LIN54: variants seen among roughly 807,000 people sequenced by gnomAD.
The protein encoded by LIN54 is protein lin-54 homolog.
A neutral mutation model predicts 78.7 loss-of-function variants in LIN54; 9 were observed. The observed-to-expected ratio is 0.11, with a 90% CI of 0.07 to 0.20. The LOEUF is 0.20. LIN54 is among the 10% of genes least tolerant of loss of function. The pLI is 1.00. For synonymous variants in LIN54, 269 were observed against 318.4 expected, an observed-to-expected ratio of 0.84 and a Z score of 1.65; for missense variants, 573 against 889.9, an observed-to-expected ratio of 0.64 and a Z score of 4.53.
intron 1 of LIN54, among the ~76,000 whole-genome samples, chr4:83,000,038 G>T (rs1055567748): frequency 6.6e-6 from 1 of 151,572 alleles, no homozygotes; most frequent in Non-Finnish European, 1.5e-5. Flanking sequence ...GACCACAGGC[G>T]CATGCCATCA....
Position 82,984,576 on chromosome 4 carries a change from G to A in LIN54, c.269C>T (p.Thr90Ile). 6.2e-7 allele frequency: 1 copy of A among 1,614,194 alleles called. No homozygotes were observed. The highest frequency in any genetic ancestry group is 8.5e-7 in the Non-Finnish European group (1 of 1,180,032). The change falls in exon 2 of 13, where the codon ACA becomes ATA. Residue 90 changes from threonine (T) to isoleucine (I), a missense_variant. Thr to Ile is a moderately conservative substitution (Grantham distance 89). Coordinates refer to ENST00000340417, the MANE Select transcript of LIN54 (RefSeq NM_194282.4). ...GCCACTTGGAAAAGCTGGTTTCACT[G>A]TGGTATTAGAATCTGCTTTAGTAAT... ...TTITKADSNT[T>I]VKPAFPSGLQ...
intron 1 of LIN54, among the ~76,000 whole-genome samples, chr4:83,008,749 G>T (rs369877407): frequency 1.4e-4 from 21 of 152,240 alleles, no homozygotes; most frequent in Admixed American, 9.2e-4. Context: ...ATCTCTGGTG[G>T]TATAATTCTT....
intron 1 of LIN54, among the ~76,000 whole-genome samples, chr4:83,006,516 G>C (rs954571665): frequency 6.6e-6 from 1 of 150,574 alleles, no homozygotes; most frequent in South Asian, 2.1e-4. Context: ...TGGGTGACAG[G>C]ACCATTCATA....
At chr4:82,940,132 T>A (rs971734447) in intron 5 of LIN54, among the ~76,000 whole-genome samples, 170 bp from the exon 6 acceptor site, 9 of 152,230 alleles carry the variant, frequency 5.9e-5, no homozygotes, top group African/African-American at 2.2e-4. Context: ...TCAAAATTGC[T>A]TACCCCATCT....
intron 9 of LIN54, among the ~76,000 whole-genome samples, chr4:82,936,621 CAGCTGTCACACAAG>C (rs1397740615): frequency 2.0e-5 from 3 of 152,122 alleles, no homozygotes; most frequent in Admixed American, 1.3e-4. Flanking sequence ...CAACCAATAA[CAGCTGTCACACAAG>C]AGCTGTCACA....
chr4:82,947,235 A>ATATATATATATATATTT, intron 4 of LIN54, among the ~76,000 whole-genome samples: 3 of 44,290 alleles, frequency 6.8e-5, no homozygotes, highest in Non-Finnish European at 1.1e-4. Flanking sequence ...ATATATATAT[A>ATATATATATATATATTT]TTTTTTTTTT....
At chr4:83,001,860 AGGAT>A (rs1193657573) in intron 1 of LIN54, among the ~76,000 whole-genome samples, 556 of 2,578 alleles carry the variant, frequency 0.22, 27 homozygotes, top group East Asian at 0.46. Flanking sequence ...AAAAAAAAAA[AGGAT>A]AGGAAGGAAG....
chr4:82,959,099 T>C (rs1724580849), intron 4 of LIN54, among the ~76,000 whole-genome samples: 1 of 152,220 alleles, frequency 6.6e-6, no homozygotes, highest in South Asian at 2.1e-4. Context: ...TTCTATTTCA[T>C]CTAAAAATTT....
chr4:82,940,605 C>T (rs940112192), intron 5 of LIN54, among the ~76,000 whole-genome samples: 4 of 152,244 alleles, frequency 2.6e-5, no homozygotes, highest in Non-Finnish European at 4.4e-5. Flanking sequence ...GTTGGCCAGG[C>T]TGAACCCAAT....
At position 82,952,049 on chromosome 4, in the gene LIN54, T is replaced by G. The variant is rs183737296; in HGVS notation, c.952-5575A>C. On this transcript the variant is annotated intron_variant, in intron 4 of 12. Coordinates refer to ENST00000340417, the MANE Select transcript of LIN54 (RefSeq NM_194282.4). ...TCTTAGAAGAAAACAGGGCAAAGCT[T>G]CACAACACTGGGTCTGGCAATGATT... Among the ~76,000 whole-genome samples, 24 of 152,240 alleles carry G rather than the reference T, an allele frequency of 1.6e-4. No homozygotes were observed. The East Asian group carries it at 4.2e-3, about 27-fold the overall frequency.
At chr4:82,982,079 G>C (rs979021199) in intron 2 of LIN54, among the ~76,000 whole-genome samples, 3 of 151,932 alleles carry the variant, frequency 2.0e-5, no homozygotes, top group African/African-American at 4.8e-5. Flanking sequence ...ATAAGAATTA[G>C]ACCCCAGTCT....
At chr4:83,012,154 A>G, upstream of LIN54, 1 of 452,474 alleles carries the variant, frequency 2.2e-6, no homozygotes, top group Non-Finnish European at 2.9e-6. Context: ...CAATTACTTC[A>G]TCTTTAAACT....
intron 4 of LIN54, among the ~76,000 whole-genome samples, chr4:82,960,556 C>T (rs957330987): frequency 1.3e-5 from 2 of 152,034 alleles, no homozygotes; most frequent in Admixed American, 6.6e-5. Flanking sequence ...GCTTCAGCCT[C>T]CCGAGTAGCT....
chr4:82,970,231 G>T, intron 4 of LIN54, 96 bp downstream of exon 4: 2 of 1,107,590 alleles, frequency 1.8e-6, no homozygotes, highest in Non-Finnish European at 2.6e-6. Context: ...TTACTTGCTT[G>T]GGAATGTACT....
intron 11 of LIN54, among the ~76,000 whole-genome samples, chr4:82,933,495 T>G (rs372313882): frequency 1.3e-5 from 2 of 151,824 alleles, no homozygotes; most frequent in African/African-American, 4.8e-5. Context: ...AAAGGACACA[T>G]GAATGTGTTG....
chr4:82,947,721 T>G (rs1033226750), intron 4 of LIN54, among the ~76,000 whole-genome samples: 2 of 152,136 alleles, frequency 1.3e-5, no homozygotes, highest in Admixed American at 1.3e-4. Flanking sequence ...GTTTAACCAA[T>G]GTACAACACA....
At chr4:82,960,558 C>T (rs986607424) in intron 4 of LIN54, among the ~76,000 whole-genome samples, 10 of 152,088 alleles carry the variant, frequency 6.6e-5, no homozygotes, top group East Asian at 1.9e-4. Flanking sequence ...TTCAGCCTCC[C>T]GAGTAGCTAG....
intron 1 of LIN54, among the ~76,000 whole-genome samples, chr4:83,005,175 C>T (rs1195461469): frequency 1.3e-5 from 2 of 152,158 alleles, no homozygotes; most frequent in Non-Finnish European, 2.9e-5. Flanking sequence ...GGATTACAGG[C>T]ATGAGCCACC....
In LIN54 at chr4:82,939,596, T is replaced by G. The variant is rs1440011080; in HGVS notation, c.1383A>C (p.Pro461=). Reference sequence around the variant, plus strand: ...AACCCACATTCCCTGTTCCCGGAGCTGGTGCCAGGACAGTGCCTGGTGGCA... The same window carrying G: ...AACCCACATTCCCTGTTCCCGGAGCGGGTGCCAGGACAGTGCCTGGTGGCA... The part of the protein sequence containing the change: ...TNLPPGTVLA[P]APGTGNVGYA... The change falls in exon 7 of 13, where the codon CCA becomes CCC. Residue 461 remains proline (P), a synonymous_variant. Coordinates refer to ENST00000340417, the MANE Select transcript of LIN54 (RefSeq NM_194282.4). The G allele has an allele frequency of 6.2e-7, 1 of 1,614,208 alleles. No homozygotes were observed. Among genetic ancestry groups the G allele is most frequent in the South Asian group, 1.1e-5 (1 of 91,084 alleles).
Sources: gnomAD v4.1 joint callset for allele counts (sites outside exome capture counted in the v4.1 genomes callset) on GRCh38, gnomAD v4.1.1 for gene constraint, MANE v1.5 for transcripts, NCBI Gene and HGNC (gene_info 2026-07-23, HGNC 2026-07-21) for gene names.